Variants in AMACR observed in about 807,000 individuals in gnomAD.
The protein encoded by AMACR is 2-methylacyl-CoA racemase.
A neutral mutation model predicts 22.2 loss-of-function variants in AMACR; 18 were observed. The ratio of observed to expected loss-of-function variants is 0.81; its 90% CI spans 0.56 to 1.20. The LOEUF (loss-of-function observed/expected upper bound fraction) is 1.20. AMACR is among the 50% of genes most tolerant of loss of function. The pLI is 0.00. For missense variants in AMACR, 499 were observed against 490.6 expected (o/e 1.02, Z -0.16); for synonymous variants, 213 against 191.3 (o/e 1.11, Z -0.94).
At chr5:33,991,801 T>A (rs1753484637) in intron 4 of AMACR, among the ~76,000 whole-genome samples, 1 of 151,688 alleles carries the variant, frequency 6.6e-6, no homozygotes, top group African/African-American at 2.4e-5. Context: ...AGTGCGGTGG[T>A]GTGATCTCGG....
rs9282595 is a variant in AMACR at position 34,007,753 on chromosome 5, C to G, written c.247+20G>C. The G allele has an allele frequency of 2.6e-6, 4 of 1,534,860 alleles. No homozygotes were observed. The highest frequency in any genetic ancestry group is 3.5e-6 in the Non-Finnish European group (4 of 1,146,472). On this transcript the variant is annotated intron_variant, in intron 1 of 4. Coordinates refer to ENST00000335606, the MANE Select transcript of AMACR (RefSeq NM_014324.6). ...CTCCGCGGGAACTTCCCGAGAGCAG[C>G]CCGCGGGGCCCGGGCTCACCGCGGC... is the stretch of plus-strand genomic sequence containing the variant.
chr5:33,990,689 T>C (rs940146179), intron 4 of AMACR, among the ~76,000 whole-genome samples: 1 of 152,260 alleles, frequency 6.6e-6, no homozygotes, highest in African/African-American at 2.4e-5. Flanking sequence ...TCCTCACTTA[T>C]AGAATACCTT....
chr5:33,989,897 A>G (rs1753423522), intron 4 of AMACR, among the ~76,000 whole-genome samples: 1 of 152,238 alleles, frequency 6.6e-6, no homozygotes, highest in Admixed American at 6.5e-5. Flanking sequence ...AATAAAATAT[A>G]AACAATTTTA....
rs148800459 is a variant in AMACR at position 34,000,897 on chromosome 5, T to TTAA, written c.553-2073_553-2071dup. ...TGTTTTATGCTAATAAAATACCCCT[T>TTAA]TAATCTCTTTTATATGTTGAACGCC... On this transcript the variant is annotated intron_variant, in intron 3 of 4. Transcript: ENST00000335606. Among the ~76,000 whole-genome samples the TTAA allele has an allele frequency of 1.5e-3, 231 of 152,352 alleles. 1 individual carries two copies. Among genetic ancestry groups the TTAA allele is most frequent in the African/African-American group, 5.4e-3 (226 of 41,578 alleles).
At chr5:33,993,732 C>T (rs1753552512) in intron 4 of AMACR, among the ~76,000 whole-genome samples, 2 of 152,068 alleles carry the variant, frequency 1.3e-5, no homozygotes, top group South Asian at 4.2e-4. Context: ...AACTCCGTCT[C>T]TACTAAAAAT....
intron 4 of AMACR, among the ~76,000 whole-genome samples, chr5:33,992,388 T>C (rs1038663091): frequency 1.3e-5 from 2 of 149,750 alleles, no homozygotes; most frequent in Admixed American, 6.7e-5. Flanking sequence ...TTTATATAAT[T>C]ATATATATAA....
At chr5:33,997,445 A>G in intron 4 of AMACR, 2 of 778,746 alleles carry the variant, frequency 2.6e-6, no homozygotes, top group Non-Finnish European at 4.8e-6. Flanking sequence ...ATTGCTTCAC[A>G]CTGACGAGGG....
intron 3 of AMACR, among the ~76,000 whole-genome samples, chr5:34,002,771 C>T (rs760564594): frequency 3.3e-5 from 5 of 152,180 alleles, no homozygotes; most frequent in Non-Finnish European, 7.3e-5. Context: ...CATGCAGCGA[C>T]TATGCCATGA....
chr5:33,988,546 TC>T lies in AMACR; in HGVS notation c.*546del, dbSNP rs1384356940. The T allele has an allele frequency of 5.8e-6, 8 of 1,384,800 alleles. No individual in the cohort carries two copies. Among genetic ancestry groups the T allele is most frequent in the Admixed American group, 3.0e-5 (1 of 32,850 alleles). 85.8% of individuals were successfully genotyped at this position (1,384,800 alleles called of 1,614,324 possible). On this transcript the variant is annotated 3_prime_UTR_variant, in exon 5 of 5. Coordinates refer to ENST00000335606, the MANE Select transcript of AMACR (RefSeq NM_014324.6). ...TTTTTTCAGTTGAAGGCATTCTGAT[TC>T]AATACAGGTGAAACTTTTCTTTGCA...
chr5:33,990,531 C>T (rs960453411), intron 4 of AMACR, among the ~76,000 whole-genome samples: 12 of 144,062 alleles, frequency 8.3e-5, no homozygotes, highest in African/African-American at 3.2e-4. Context: ...AAGAGCAGGG[C>T]TGCTTTACAA....
intron 3 of AMACR, 97 bp from the exon 4 acceptor site, chr5:33,998,924 T>A: frequency 8.5e-7 from 1 of 1,178,750 alleles, no homozygotes; most frequent in Non-Finnish European, 1.2e-6. Flanking sequence ...TGCGTAAAAA[T>A]TCTTATCTTA....
chr5:34,001,907 A>G lies in AMACR; in HGVS notation c.552+2667T>C, dbSNP rs535054907. On this transcript the variant is annotated intron_variant, in intron 3 of 4. Transcript: ENST00000335606. ...CTGATTCTTTTAGCCTTGTGTAATTAGCAAACACTTACTAGCCCCTAATGG... is the reference window on the plus strand; with the variant it reads ...CTGATTCTTTTAGCCTTGTGTAATTGGCAAACACTTACTAGCCCCTAATGG... Among the ~76,000 whole-genome samples, 15 of 152,388 alleles carry G rather than the reference A, an allele frequency of 9.8e-5. No individual in the cohort carries two copies. The South Asian group carries it at 2.7e-3, about 27-fold the overall frequency.
At position 33,989,236 on chromosome 5, in the gene AMACR, C is replaced by T. The variant is rs746094231; in HGVS notation, c.1006G>A (p.Ala336Thr). 1.2e-6 allele frequency: 2 copies of T among 1,614,178 alleles called. No homozygotes were observed. Among genetic ancestry groups the T allele is most frequent in the Non-Finnish European group, 1.7e-6 (2 of 1,180,038 alleles). Residue 336 changes from alanine to threonine, a missense_variant, in exon 5 of 5, where the codon GCC becomes ACC. By Grantham distance (58) the Ala-to-Thr change is moderately conservative. Transcript: ENST00000335606. Reference sequence around the variant, plus strand: ...GGATCCCTTTTGAAAGAAGGGATGGCTGGGGTGTTTAACAGCAGAGGTGCA... The same window carrying T: ...GGATCCCTTTTGAAAGAAGGGATGGTTGGGGTGTTTAACAGCAGAGGTGCA... ...RPAPLLLNTPAIPSFKRDPFI... is the reference protein window; with the variant it reads ...RPAPLLLNTPTIPSFKRDPFI...
At chr5:33,997,400 C>T (rs760928303) in intron 4 of AMACR, 4 of 777,628 alleles carry the variant, frequency 5.1e-6, no homozygotes, top group Non-Finnish European at 9.6e-6. Flanking sequence ...GTTACTGCCA[C>T]ACAAAACCCC....
chr5:33,986,574 T>C lies in AMACR; in HGVS notation c.*2519A>G, dbSNP rs1157806051. ...GATCTATTTCCTTTGGTGCTCTTTA[T>C]CTTATGGGGCTACATTTCCAGGGTT... On this transcript the variant is annotated 3_prime_UTR_variant, in exon 5 of 5. Coordinates refer to ENST00000335606, the MANE Select transcript of AMACR (RefSeq NM_014324.6). 6.6e-6 allele frequency: 1 copy of C among 152,256 alleles called. No homozygotes were observed. The highest frequency in any genetic ancestry group is 2.4e-5 in the African/African-American group (1 of 41,462). The allele number at this position is 152,256 out of a possible 1,614,324, so 9.4% of individuals were successfully genotyped here.
In AMACR at chr5:33,998,814, G is replaced by A; in HGVS notation, c.566C>T (p.Ala189Val). 1.2e-6 allele frequency: 2 copies of A among 1,614,024 alleles called. No individual in the cohort carries two copies. Among genetic ancestry groups the A allele is most frequent in the Non-Finnish European group, 1.7e-6 (2 of 1,179,940 alleles). The change falls in exon 4 of 5, where the codon GCA (alanine) becomes GTA (valine). Residue 189 changes from alanine (A) to valine (V), a missense_variant. Physicochemically the swap from Ala to Val is moderately conservative, Grantham distance 64. Coordinates refer to ENST00000335606, the MANE Select transcript of AMACR (RefSeq NM_014324.6). ...TTTCCACAGAAAAGAACTTAAATAT[G>A]CTGTTCCTTCCACCTTTGAGAAAAC... ...VIDANMVEGT[A>V]YLSSFLWKTQ...
intron 4 of AMACR, chr5:33,997,048 T>G (rs1340876926): frequency 1.4e-6 from 1 of 702,830 alleles, no homozygotes. Context: ...TTTAAGTCAC[T>G]TTGGACCCAG....
At chr5:34,003,127 C>T (rs1753868883) in intron 3 of AMACR, among the ~76,000 whole-genome samples, 1 of 152,240 alleles carries the variant, frequency 6.6e-6, no homozygotes, top group African/African-American at 2.4e-5. Flanking sequence ...TTCTGCTTCT[C>T]TCCTTAGCTG....
In AMACR at chr5:34,007,824, G is replaced by A. The variant is rs1381683838; in HGVS notation, c.196C>T (p.Leu66=). 6.3e-7 allele frequency: 1 copy of A among 1,577,346 alleles called. No individual in the cohort carries two copies. Among genetic ancestry groups the A allele is most frequent in the Non-Finnish European group, 8.6e-7 (1 of 1,165,568 alleles). Residue 66 remains leucine, a synonymous_variant, in exon 1 of 5, where the codon CTG becomes TTG. Coordinates refer to ENST00000335606, the MANE Select transcript of AMACR (RefSeq NM_014324.6). ...DLKQPRGAAV[L]RRLCKRSDVL... Reference sequence around the variant, plus strand: ...TCCGACCGCTTGCACAGACGCCGCAGCACGGCGGCTCCCCGCGGCTGCTTC... The same window carrying A: ...TCCGACCGCTTGCACAGACGCCGCAACACGGCGGCTCCCCGCGGCTGCTTC...
Sources: gnomAD v4.1 joint callset for allele counts (sites outside exome capture counted in the v4.1 genomes callset) on GRCh38, gnomAD v4.1.1 for gene constraint, MANE v1.5 for transcripts, NCBI Gene and HGNC (gene_info 2026-07-23, HGNC 2026-07-21) for gene names.